SEC31B: variants seen among roughly 807,000 people sequenced by gnomAD.
SEC31B encodes the protein SEC31 homolog B, COPII component.
SEC31B carries 113 observed loss-of-function variants against 135.0 expected under a neutral mutation model. That is an observed-to-expected ratio of 0.84 (90% CI 0.72 to 0.98). SEC31B has a LOEUF of 0.98. Ranked by LOEUF, SEC31B falls within the 50% of genes least tolerant of loss-of-function variation. The pLI is 0.00. For synonymous variants in SEC31B, 508 were observed against 549.4 expected (o/e 0.92, Z 1.05); for missense variants, 1,296 against 1,421.1 (o/e 0.91, Z 1.42).
At chr10:100,506,537 T>C in intron 7 of SEC31B, 117 bp from the exon 8 acceptor site, 1 of 784,066 alleles carries the variant, frequency 1.3e-6, no homozygotes, top group Non-Finnish European at 2.1e-6. Flanking sequence ...CCCTATAAAA[T>C]GCATGGTCTG....
chr10:100,502,226 C>A, intron 11 of SEC31B, 28 bp downstream of exon 11: 1 of 1,583,076 alleles, frequency 6.3e-7, no homozygotes, highest in Non-Finnish European at 8.7e-7. Flanking sequence ...GGAGACACTT[C>A]TGAGCAGCTA....
chr10:100,515,915 G>GGC (rs1851831136), intron 3 of SEC31B, among the ~76,000 whole-genome samples, 181 bp downstream of exon 3: 1 of 97,456 alleles, frequency 1.0e-5, no homozygotes, highest in South Asian at 3.6e-4. Context: ...TGACTGGAAA[G>GGC]GGGGGGGGTG....
intron 9 of SEC31B, 40 bp from the exon 10 acceptor site, chr10:100,505,535 C>T: frequency 6.7e-7 from 1 of 1,502,306 alleles, no homozygotes; most frequent in Non-Finnish European, 8.8e-7. Context: ...CCTAAAGTGG[C>T]AGTTTAGTCA....
At position 100,497,732 on chromosome 10, in the gene SEC31B, T is replaced by C; in HGVS notation, c.1925A>G (p.Asn642Ser). The C allele has an allele frequency of 1.2e-6, 2 of 1,614,222 alleles. No individual in the cohort carries two copies. The highest frequency in any genetic ancestry group is 1.7e-6 in the Non-Finnish European group (2 of 1,180,032). The change falls in exon 16 of 26, where the codon AAC becomes AGC. Residue 642 changes from asparagine to serine, a missense_variant. Asn to Ser is a conservative substitution (Grantham distance 46). Coordinates refer to ENST00000370345, the MANE Select transcript of SEC31B (RefSeq NM_015490.4). ...TAGCAAAGCCAGTGCCTCTCTCCAG[T>C]TCTTCAGGCTACAGGTACACACCAC... ...KDVVCTCSLK[N>S]WREALALLLT... is the part of the protein sequence containing the mutation.
intron 3 of SEC31B, among the ~76,000 whole-genome samples, chr10:100,509,880 G>A (rs558548426): frequency 6.6e-6 from 1 of 152,140 alleles, no homozygotes; most frequent in African/African-American, 2.4e-5. Context: ...GGTAATAATA[G>A]CAACCACTTA....
chr10:100,514,306 G>C (rs910415654), intron 3 of SEC31B, among the ~76,000 whole-genome samples: 3 of 152,138 alleles, frequency 2.0e-5, no homozygotes, highest in Non-Finnish European at 4.4e-5. Context: ...CCACTACTAC[G>C]CTGAAGCTGT....
At chr10:100,517,152 C>T (rs1166727410) in intron 1 of SEC31B, 155 bp from the exon 2 acceptor site, 6 of 583,860 alleles carry the variant, frequency 1.0e-5, no homozygotes, top group Non-Finnish European at 1.8e-5. Flanking sequence ...ATAGTTCATT[C>T]ACCCAATTAC....
intron 24 of SEC31B, among the ~76,000 whole-genome samples, chr10:100,488,596 A>G (rs1261237554): frequency 6.6e-6 from 1 of 151,810 alleles, no homozygotes; most frequent in Non-Finnish European, 1.5e-5. Flanking sequence ...AGACTTCCTC[A>G]CTCCTGGCTC....
At chr10:100,502,039 T>C (rs536480049) in intron 11 of SEC31B, among the ~76,000 whole-genome samples, 4 of 152,372 alleles carry the variant, frequency 2.6e-5, no homozygotes, top group Admixed American at 2.6e-4. Context: ...ATTCCCCATC[T>C]TTCCTAGCCT....
Position 100,490,722 on chromosome 10 carries a change from G to T in SEC31B, c.2634C>A (p.Ser878Arg). 2 of 1,592,660 alleles carry T rather than the reference G, an allele frequency of 1.3e-6. No individual in the cohort carries two copies. The highest frequency in any genetic ancestry group is 1.7e-6 in the Non-Finnish European group (2 of 1,167,020). The change falls in exon 20 of 26, where the codon AGC becomes AGA. Residue 878 changes from serine to arginine, a missense_variant. Coordinates refer to ENST00000370345, the MANE Select transcript of SEC31B (RefSeq NM_015490.4). ...CTCACTCACCAGGCCTTACCCCAGG[G>T]CTCAAAGGCAAAGGCTGGATGGCCT... is the stretch of plus-strand genomic sequence containing the variant. The part of the protein sequence containing the change: ...GPQAIQPLPL[S>R]PGVRPASSQP...
intron 6 of SEC31B, 69 bp downstream of exon 6, chr10:100,507,839 G>A (rs1851662600): frequency 6.3e-7 from 1 of 1,598,302 alleles, no homozygotes; most frequent in Non-Finnish European, 8.6e-7. Context: ...CTGGGGCAGA[G>A]CAGCTCTAAC....
At chr10:100,508,138 C>T (rs1373256630) in intron 5 of SEC31B, 87 bp from the exon 6 acceptor site, 7 of 1,525,780 alleles carry the variant, frequency 4.6e-6, no homozygotes, top group Non-Finnish European at 5.4e-6. Flanking sequence ...CAGCCACCCA[C>T]AGCAAGTCCA....
Position 100,489,318 on chromosome 10 carries a change from G to A in SEC31B, c.3105C>T (p.Pro1035=), listed in dbSNP as rs1222331131. Reference sequence around the variant, plus strand: ...TCACACTGGAGACAGGGGGCTGTGAGGGAAGAATCCCTTGTAGCTCAGGGG... The same window carrying A: ...TCACACTGGAGACAGGGGGCTGTGAAGGAAGAATCCCTTGTAGCTCAGGGG... ...SLTPELQGIL[P]SQPPVSSVSH... Residue 1035 remains proline, a synonymous_variant, in exon 23 of 26, where the codon CCC becomes CCT. Transcript: ENST00000370345. 1.2e-6 allele frequency: 2 copies of A among 1,613,836 alleles called. No individual in the cohort carries two copies. Among genetic ancestry groups the A allele is most frequent in the Non-Finnish European group, 1.7e-6 (2 of 1,179,934 alleles).
Position 100,505,798 on chromosome 10 carries a change from C to T in SEC31B, c.1044+242G>A, listed in dbSNP as rs188797243. Reference sequence around the variant, plus strand: ...TAACTGTCCCAGCAAAGGGGTCCCACGGTCCCTGAAATACTACAGGGCCCA... The same window carrying T: ...TAACTGTCCCAGCAAAGGGGTCCCATGGTCCCTGAAATACTACAGGGCCCA... On this transcript the variant is annotated intron_variant, in intron 9 of 25. Coordinates refer to ENST00000370345, the MANE Select transcript of SEC31B (RefSeq NM_015490.4). 142 of 1,429,982 alleles carry T rather than the reference C, an allele frequency of 9.9e-5. 1 individual carries two copies. Among genetic ancestry groups the T allele is most frequent in the African/African-American group, 3.0e-4 (21 of 69,910 alleles). The allele number at this position is 1,429,982 out of a possible 1,614,324, so 88.6% of individuals were successfully genotyped here.
At chr10:100,488,732 C>T in intron 24 of SEC31B, 126 bp downstream of exon 24, 7 of 1,302,750 alleles carry the variant, frequency 5.4e-6, no homozygotes, top group East Asian at 2.5e-5. Flanking sequence ...CAATTAAGTA[C>T]AAGATAGAGA....
Position 100,487,538 on chromosome 10 carries a change from G to T in SEC31B, c.*78C>A. On this transcript the variant is annotated 3_prime_UTR_variant, in exon 26 of 26. Coordinates refer to ENST00000370345, the MANE Select transcript of SEC31B (RefSeq NM_015490.4). The stretch of plus-strand genomic sequence containing the variant: ...GAGTCGGGAAAAAGAAACAGAATCT[G>T]TTGCAGAAGTCCCCTCTTCTGCAGG... 7.7e-7 allele frequency: 1 copy of T among 1,297,452 alleles called. No homozygotes were observed. The highest frequency in any genetic ancestry group is 1.3e-5 in the South Asian group (1 of 77,074). 80.4% of individuals were successfully genotyped at this position (1,297,452 alleles called of 1,614,324 possible).
Position 100,516,925 on chromosome 10 carries a change from C to T in SEC31B, c.28G>A (p.Ala10Thr). The change falls in exon 2 of 26, where the codon GCT (alanine) becomes ACT (threonine). Residue 10 changes from alanine to threonine, a missense_variant. Physicochemically the swap from Ala to Thr is moderately conservative, Grantham distance 58. Transcript: ENST00000370345. MKLKELERPAVQAWSPASQY... is the reference protein window; with the variant it reads MKLKELERPTVQAWSPASQY... ...CTGGCTGGGCTCCATGCCTGGACAG[C>T]TGGCCGCTCAAGTTCCTTCAGCTTC... 2 of 1,614,158 alleles carry T rather than the reference C, an allele frequency of 1.2e-6. No homozygotes were observed. The highest frequency in any genetic ancestry group is 1.1e-5 in the South Asian group (1 of 91,082).
intron 22 of SEC31B, 118 bp from the exon 23 acceptor site, chr10:100,489,516 G>C (rs780964494): frequency 1.2e-5 from 17 of 1,379,144 alleles, no homozygotes; most frequent in Non-Finnish European, 1.7e-5. Flanking sequence ...GGGAAACTGG[G>C]AAGTGAGGAG....
Position 100,487,394 on chromosome 10 carries a change from T to C in SEC31B, c.*222A>G, listed in dbSNP as rs1028050008. 12 of 565,278 alleles carry C rather than the reference T, an allele frequency of 2.1e-5. No homozygotes were observed. Among genetic ancestry groups the C allele is most frequent in the African/African-American group, 1.1e-4 (6 of 53,154 alleles). 35.0% of individuals were successfully genotyped at this position (565,278 alleles called of 1,614,324 possible). A position where few individuals can be genotyped will look rare whatever the true frequency, so the allele number is the denominator to read the frequency against. ...TGAAGAACTGATTCTATGCCCTGCC[T>C]CCAGGCCTGAGAGTGTCTTGGACAG... On this transcript the variant is annotated 3_prime_UTR_variant, in exon 26 of 26. Coordinates refer to ENST00000370345, the MANE Select transcript of SEC31B (RefSeq NM_015490.4).
Sources: gnomAD v4.1 joint callset for allele counts (sites outside exome capture counted in the v4.1 genomes callset) on GRCh38, gnomAD v4.1.1 for gene constraint, MANE v1.5 for transcripts, NCBI Gene and HGNC (gene_info 2026-07-23, HGNC 2026-07-21) for gene names.